Variants in GPM6A observed in about 807,000 individuals in gnomAD.
GPM6A encodes the protein glycoprotein M6A.
In GPM6A, 7 loss-of-function variants were observed where a neutral mutation model predicts 32.1. The ratio of observed to expected loss-of-function variants is 0.22; its 90% CI spans 0.12 to 0.41. The LOEUF (loss-of-function observed/expected upper bound fraction) is 0.41. Ranked by LOEUF, GPM6A falls within the 10% of genes least tolerant of loss-of-function variation. GPM6A has a pLI of 1.00. For synonymous variants in GPM6A, 130 were observed against 123.4 expected (o/e 1.05, Z -0.35); for missense variants, 235 against 347.2 (o/e 0.68, Z 2.57).
chr4:175,849,128 A>G (rs75822988), intron 1 of GPM6A, among the ~76,000 whole-genome samples: 1 of 152,180 alleles, frequency 6.6e-6, no homozygotes, highest in Non-Finnish European at 1.5e-5. Flanking sequence ...CCAGACATAT[A>G]AGGTATGTTT....
In GPM6A at chr4:175,700,690, C is replaced by A. The variant is rs189799645; in HGVS notation, c.230+885G>T. On this transcript the variant is annotated intron_variant, in intron 2 of 6. Transcript: ENST00000393658. Reference sequence around the variant, plus strand: ...GATTACAAACACAGGTATCAAACAGCATGAAATAAACACAAGAAGTTATAA... The same window carrying A: ...GATTACAAACACAGGTATCAAACAGAATGAAATAAACACAAGAAGTTATAA... 2.7e-3 allele frequency among the ~76,000 whole-genome samples: 414 copies of A among 152,202 alleles called. 2 individuals carry two copies. Among genetic ancestry groups the A allele is most frequent in the Middle Eastern group, 0.014 (4 of 294 alleles).
At chr4:175,718,277 A>T (rs1745941787) in intron 1 of GPM6A, among the ~76,000 whole-genome samples, 1 of 152,244 alleles carries the variant, frequency 6.6e-6, no homozygotes, top group Non-Finnish European at 1.5e-5. Flanking sequence ...CTTTAAAAAC[A>T]ATAAAAGAAC....
chr4:175,810,687 C>G (rs1356362326), intron 1 of GPM6A, among the ~76,000 whole-genome samples: 1 of 152,116 alleles, frequency 6.6e-6, no homozygotes, highest in Non-Finnish European at 1.5e-5. Context: ...TGCTGTTTAT[C>G]TTTCCTTAAG....
At chr4:175,820,582 C>A (rs13147695) in intron 1 of GPM6A, among the ~76,000 whole-genome samples, 123,391 of 148,808 alleles carry the variant, frequency 0.83, 52,650 homozygotes, top group Middle Eastern at 0.95. Flanking sequence ...CTCACTGCAA[C>A]CTCCCCTTCC....
At chr4:175,744,369 G>A (rs1222922324) in intron 1 of GPM6A, among the ~76,000 whole-genome samples, 11 of 151,766 alleles carry the variant, frequency 7.2e-5, no homozygotes, top group Non-Finnish European at 8.8e-5. Context: ...TGTGTTCCAG[G>A]GAAATTCATA....
chr4:175,785,630 T>G (rs1020294876), intron 1 of GPM6A, among the ~76,000 whole-genome samples: 1 of 152,182 alleles, frequency 6.6e-6, no homozygotes, highest in African/African-American at 2.4e-5. Context: ...AAGAAACCCC[T>G]TTTTTAGCAT....
chr4:175,660,333 G>T (rs867418274), intron 3 of GPM6A, among the ~76,000 whole-genome samples: 1 of 151,828 alleles, frequency 6.6e-6, no homozygotes, highest in Admixed American at 6.6e-5. Flanking sequence ...TCAGTGAGCC[G>T]AGATTGTGCC....
chr4:175,986,004 C>T (rs1740962564), intron 1 of GPM6A, among the ~76,000 whole-genome samples: 1 of 151,984 alleles, frequency 6.6e-6, no homozygotes, highest in Non-Finnish European at 1.5e-5. Flanking sequence ...TAGGGTTTCA[C>T]CATGTTGACC....
intron 1 of GPM6A, chr4:175,962,321 G>A (rs1740192975): frequency 1.0e-6 from 1 of 968,268 alleles, no homozygotes; most frequent in Non-Finnish European, 1.7e-6. Flanking sequence ...TGGGTCCTGT[G>A]GCCACTCCTG....
At chr4:175,670,174 C>A (rs942290277) in intron 3 of GPM6A, among the ~76,000 whole-genome samples, 1 of 152,124 alleles carries the variant, frequency 6.6e-6, no homozygotes, top group Admixed American at 6.6e-5. Context: ...TTATTTAACT[C>A]TTAGAGCAGG....
intron 1 of GPM6A, among the ~76,000 whole-genome samples, chr4:175,889,372 A>T (rs1218926914): frequency 6.6e-6 from 1 of 152,192 alleles, no homozygotes; most frequent in Non-Finnish European, 1.5e-5. Flanking sequence ...AAAAAATTTT[A>T]AAATTAGCCA....
chr4:175,723,222 GC>G, intron 1 of GPM6A, among the ~76,000 whole-genome samples: 1 of 152,200 alleles, frequency 6.6e-6, no homozygotes, highest in Non-Finnish European at 1.5e-5. Context: ...GACTGAATGA[GC>G]AAAATCCAGA....
At chr4:175,637,960 T>C (rs1029532012) in intron 6 of GPM6A, among the ~76,000 whole-genome samples, 1 of 141,216 alleles carries the variant, frequency 7.1e-6, no homozygotes, top group African/African-American at 2.6e-5. Context: ...AAACAGGTGC[T>C]TCCTCATGGT....
At chr4:175,925,281 G>T (rs1185456226) in intron 1 of GPM6A, among the ~76,000 whole-genome samples, 1 of 152,218 alleles carries the variant, frequency 6.6e-6, no homozygotes, top group Non-Finnish European at 1.5e-5. Flanking sequence ...TCAAGTGCCT[G>T]ACTTCTAGAT....
chr4:175,721,030 T>C (rs1746089222), intron 1 of GPM6A, among the ~76,000 whole-genome samples: 1 of 134,890 alleles, frequency 7.4e-6, no homozygotes, highest in Admixed American at 7.8e-5. Context: ...TATATACTAG[T>C]ACATATATAT....
chr4:175,795,366 C>G (rs1406539460), intron 1 of GPM6A, among the ~76,000 whole-genome samples: 2 of 152,194 alleles, frequency 1.3e-5, no homozygotes, highest in African/African-American at 4.8e-5. Flanking sequence ...GAAATCTGCT[C>G]CACCTGAGTA....
intron 1 of GPM6A, among the ~76,000 whole-genome samples, chr4:175,849,617 T>A (rs1390576315): frequency 6.6e-6 from 1 of 152,244 alleles, no homozygotes; most frequent in Non-Finnish European, 1.5e-5. Flanking sequence ...ACAGTTGTAC[T>A]ATACTAATAA....
intron 1 of GPM6A, among the ~76,000 whole-genome samples, chr4:175,830,591 G>T (rs916755064): frequency 2.0e-5 from 3 of 152,138 alleles, no homozygotes; most frequent in Non-Finnish European, 4.4e-5. Flanking sequence ...GATTTACCAA[G>T]ATCATATCAC....
intron 1 of GPM6A, among the ~76,000 whole-genome samples, chr4:175,991,978 C>T (rs1741159336): frequency 6.6e-6 from 1 of 151,612 alleles, no homozygotes; most frequent in Non-Finnish European, 1.5e-5. Context: ...ACACAAAACA[C>T]TATCTTGCAC....
Sources: allele counts gnomAD v4.1 joint callset (sites outside exome capture counted in the v4.1 genomes callset), GRCh38; gene constraint gnomAD v4.1.1; transcripts MANE v1.5; gene names NCBI Gene and HGNC (gene_info 2026-07-23, HGNC 2026-07-21).